Variants in GKAP1 observed in about 807,000 individuals in gnomAD.
GKAP1 encodes G kinase anchoring protein 1, also known as G kinase-anchoring protein 1.
A neutral mutation model predicts 56.7 loss-of-function variants in GKAP1; 31 were observed. That is an observed-to-expected ratio of 0.55 (90% CI 0.41 to 0.74). The LOEUF is 0.74. GKAP1 is among the 30% of genes least tolerant of loss of function. The probability of loss-of-function intolerance (pLI) is 0.00; values close to 1 mark genes in which losing one functional copy is unlikely to be tolerated. For missense variants in GKAP1, 364 were observed against 402.3 expected (o/e 0.90, Z 0.82); for synonymous variants, 151 against 138.6 (o/e 1.09, Z -0.63).
At position 83,786,897 on chromosome 9, in the gene GKAP1, C is replaced by A. The variant is rs541559026; in HGVS notation, c.438+1704G>T. 4.6e-5 allele frequency among the ~76,000 whole-genome samples: 7 copies of A among 152,292 alleles called. No homozygotes were observed. The East Asian group carries it at 1.4e-3, about 29-fold the overall frequency. On this transcript the variant is annotated intron_variant, in intron 5 of 12. Coordinates refer to ENST00000376371, the MANE Select transcript of GKAP1 (RefSeq NM_025211.4). ...AATCCTTCTAGCTTTAGAATCTAGA[C>A]ATATATCCATAAGTCTAACAGCAAG...
chr9:83,772,783 G>C (rs1451650121), intron 7 of GKAP1, among the ~76,000 whole-genome samples: 2 of 152,086 alleles, frequency 1.3e-5, no homozygotes, highest in Non-Finnish European at 2.9e-5. Flanking sequence ...AATTTGAATA[G>C]ATATTTCCAG....
At chr9:83,739,999 C>T (rs1014986668) in intron 12 of GKAP1, among the ~76,000 whole-genome samples, 6 of 152,048 alleles carry the variant, frequency 3.9e-5, no homozygotes, top group African/African-American at 1.4e-4. Context: ...TCACCGATAT[C>T]TTATTTTTTT....
intron 9 of GKAP1, among the ~76,000 whole-genome samples, chr9:83,749,668 T>G (rs552915322): frequency 6.6e-6 from 1 of 152,308 alleles, no homozygotes; most frequent in South Asian, 2.1e-4. Flanking sequence ...CATAGATATG[T>G]ATAGAAGTTA....
At chr9:83,795,419 G>A (rs544341140) in intron 4 of GKAP1, among the ~76,000 whole-genome samples, 1 of 152,138 alleles carries the variant, frequency 6.6e-6, no homozygotes, top group Admixed American at 6.5e-5. Flanking sequence ...CTGCTACTTA[G>A]AGTTAATTCT....
At chr9:83,754,175 G>A (rs1943437916) in intron 8 of GKAP1, among the ~76,000 whole-genome samples, 1 of 152,116 alleles carries the variant, frequency 6.6e-6, no homozygotes, top group Non-Finnish European at 1.5e-5. Context: ...TGTAATGTAA[G>A]GATGATACTT....
intron 2 of GKAP1, among the ~76,000 whole-genome samples, chr9:83,806,858 T>C (rs1564216232): frequency 6.6e-6 from 1 of 152,180 alleles, no homozygotes; most frequent in Non-Finnish European, 1.5e-5. Flanking sequence ...TACATAGTTA[T>C]AGAGAACATC....
chr9:83,802,678 T>A (rs779841025), intron 3 of GKAP1, among the ~76,000 whole-genome samples: 12 of 151,182 alleles, frequency 7.9e-5, no homozygotes, highest in Non-Finnish European at 1.5e-4. Flanking sequence ...AAAAACAAAA[T>A]TAGCTGGGTG....
chr9:83,743,866 C>T (rs1483410738), intron 10 of GKAP1, among the ~76,000 whole-genome samples: 1 of 152,108 alleles, frequency 6.6e-6, no homozygotes, highest in African/African-American at 2.4e-5. Flanking sequence ...CAGAAATTTT[C>T]ACATGGCTGA....
Position 83,817,515 on chromosome 9 carries a change from A to C in GKAP1, c.-176+2T>G, listed in dbSNP as rs1359821667. 6.7e-6 allele frequency: 1 copy of C among 149,256 alleles called. No individual in the cohort carries two copies. The highest frequency in any genetic ancestry group is 1.5e-5 in the Non-Finnish European group (1 of 67,044). 9.2% of individuals were successfully genotyped at this position (149,256 alleles called of 1,614,324 possible). On this transcript the variant is annotated splice_donor_variant, in intron 1 of 12. Coordinates refer to ENST00000376371, the MANE Select transcript of GKAP1 (RefSeq NM_025211.4). LOFTEE classifies it low-confidence loss of function (5UTR_SPLICE). ...GAGGCGGGCCCGCCTCCGCGTACTC[A>C]CCGGGCCTCCCGTGCCGCCGGCTCG...
chr9:83,780,651 A>T (rs1315265089), intron 6 of GKAP1, among the ~76,000 whole-genome samples: 2 of 152,148 alleles, frequency 1.3e-5, no homozygotes, highest in African/African-American at 4.8e-5. Context: ...AATCCCACCC[A>T]TATCAAGGGA....
chr9:83,806,351 C>T lies in GKAP1; in HGVS notation c.167G>A (p.Arg56Lys). 1 of 1,558,284 alleles carries T rather than the reference C, an allele frequency of 6.4e-7. No individual in the cohort carries two copies. The highest frequency in any genetic ancestry group is 8.7e-7 in the Non-Finnish European group (1 of 1,150,360). ...GSKSTTNEKK[R>K]EKRRKKKEQQ... is the part of the protein sequence containing the mutation. Reference sequence around the variant, plus strand: ...TTCCTTCTTTTTTCTTCTTTTCTCTCTTTTTTTCTCATTTGTAGTTGACTT... The same window carrying T: ...TTCCTTCTTTTTTCTTCTTTTCTCTTTTTTTTTCTCATTTGTAGTTGACTT... Residue 56 changes from arginine (R) to lysine (K), a missense_variant, in exon 3 of 13, where the codon AGA becomes AAA. Transcript: ENST00000376371.
At chr9:83,776,847 T>TATTCATATATTCATATATTATA in intron 7 of GKAP1, among the ~76,000 whole-genome samples, 1 of 152,298 alleles carries the variant, frequency 6.6e-6, no homozygotes, top group East Asian at 1.9e-4. Flanking sequence ...CAACATTACT[T>TATTCATATATTCATATATTATA]TTCATAATAT....
Position 83,768,819 on chromosome 9 carries a change from T to C in GKAP1, c.737A>G (p.Gln246Arg). The change falls in exon 8 of 13, where the codon CAG becomes CGG. Residue 246 changes from glutamine (Q) to arginine (R), a missense_variant and splice_region_variant. By Grantham distance (43) the Gln-to-Arg change is conservative. Coordinates refer to ENST00000376371, the MANE Select transcript of GKAP1 (RefSeq NM_025211.4). ...AAGAGAATTTTCTACTTTACATGCC[T>C]GGTTGTGTTCATGAGCTGTACAATT... is the stretch of plus-strand genomic sequence containing the variant. ...TDNCTAHEHN[Q>R]EVVLKDGRIE... The C allele has an allele frequency of 1.9e-6, 3 of 1,609,152 alleles. No individual in the cohort carries two copies. The highest frequency in any genetic ancestry group is 1.1e-5 in the South Asian group (1 of 89,956).
At chr9:83,752,174 C>T (rs751885013) in intron 9 of GKAP1, among the ~76,000 whole-genome samples, 2 of 152,132 alleles carry the variant, frequency 1.3e-5, no homozygotes, top group South Asian at 2.1e-4. Context: ...GAGGCCAAGG[C>T]GAGCAGATCA....
chr9:83,806,673 G>A, intron 2 of GKAP1, 113 bp from the exon 3 acceptor site: 1 of 616,870 alleles, frequency 1.6e-6, no homozygotes, highest in Non-Finnish European at 2.8e-6. Flanking sequence ...ACTGGATTTA[G>A]TAAATTTGGA....
At chr9:83,783,517 A>T (rs950963091) in intron 6 of GKAP1, among the ~76,000 whole-genome samples, 3 of 152,240 alleles carry the variant, frequency 2.0e-5, no homozygotes, top group African/African-American at 7.2e-5. Flanking sequence ...CACATTAAAT[A>T]TAATGTGCTT....
intron 7 of GKAP1, among the ~76,000 whole-genome samples, chr9:83,770,187 G>T (rs1001249375): frequency 6.6e-6 from 1 of 152,076 alleles, no homozygotes; most frequent in Non-Finnish European, 1.5e-5. Flanking sequence ...TTGTATCACA[G>T]AAGTTTTTAA....
intron 4 of GKAP1, among the ~76,000 whole-genome samples, chr9:83,791,184 C>T (rs1012655689): frequency 6.6e-6 from 1 of 152,116 alleles, no homozygotes; most frequent in African/African-American, 2.4e-5. Flanking sequence ...AGGCAGATCA[C>T]AAGGTCAGGA....
intron 4 of GKAP1, among the ~76,000 whole-genome samples, chr9:83,789,818 T>A (rs970089557): frequency 4.6e-5 from 7 of 152,190 alleles, no homozygotes; most frequent in African/African-American, 1.7e-4. Flanking sequence ...TGACATCTAC[T>A]AGCTCATGCC....
Sources: allele counts gnomAD v4.1 joint callset (sites outside exome capture counted in the v4.1 genomes callset), GRCh38; gene constraint gnomAD v4.1.1; transcripts MANE v1.5; gene names NCBI Gene and HGNC (gene_info 2026-07-23, HGNC 2026-07-21).